The following DGCR2 variants were observed in gnomAD, a reference collection of about 807,000 sequenced individuals.
DGCR2 encodes integral membrane protein DGCR2/IDD.
In DGCR2, 24 loss-of-function variants were observed where a neutral mutation model predicts 51.6. The observed-to-expected ratio is 0.47, with a 90% CI of 0.34 to 0.65. DGCR2 has a LOEUF of 0.65. Ranked by LOEUF, DGCR2 falls within the 30% of genes least tolerant of loss-of-function variation. DGCR2 has a pLI of 0.01. For synonymous variants in DGCR2, 340 were observed against 315.4 expected, an observed-to-expected ratio of 1.08 and a Z score of -0.82; for missense variants, 765 against 772.1, an observed-to-expected ratio of 0.99 and a Z score of 0.11.
chr22:19,088,407 A>G (rs944725995), intron 2 of DGCR2, among the ~76,000 whole-genome samples: 1 of 152,250 alleles, frequency 6.6e-6, no homozygotes, highest in Non-Finnish European at 1.5e-5. Flanking sequence ...AGGCTTGTCT[A>G]TGCAGAAACA....
chr22:19,098,336 G>A (rs922627608), intron 1 of DGCR2, among the ~76,000 whole-genome samples: 1 of 152,234 alleles, frequency 6.6e-6, no homozygotes, highest in South Asian at 2.1e-4. Context: ...AGTAGGGTCA[G>A]CACACTTTTC....
At chr22:19,093,511 A>C (rs1057410388) in intron 1 of DGCR2, among the ~76,000 whole-genome samples, 25 of 152,218 alleles carry the variant, frequency 1.6e-4, no homozygotes, top group African/African-American at 5.1e-4. Flanking sequence ...CACAATCTAT[A>C]AAAAAAATTG....
At chr22:19,081,986 G>T (rs148984753) in intron 2 of DGCR2, among the ~76,000 whole-genome samples, 86 of 151,780 alleles carry the variant, frequency 5.7e-4, no homozygotes, top group African/African-American at 2.0e-3. Context: ...TTTACAGGCT[G>T]TAAGTGTTGC....
chr22:19,045,817 C>T (rs370384594), intron 7 of DGCR2, among the ~76,000 whole-genome samples: 2 of 152,302 alleles, frequency 1.3e-5, no homozygotes, highest in African/African-American at 4.8e-5. Context: ...ACCTTTACCT[C>T]CCAGGTTGAA....
chr22:19,118,639 TTACCAAGGGGCCTAGCTGA>T (rs1429752641), intron 1 of DGCR2, among the ~76,000 whole-genome samples: 1 of 152,114 alleles, frequency 6.6e-6, no homozygotes, highest in Admixed American at 6.5e-5. Flanking sequence ...GTCCTCTACC[TTACCAAGGGGCCTAGCTGA>T]GCACAGGCCC....
chr22:19,096,897 A>AT (rs924130723), intron 1 of DGCR2, among the ~76,000 whole-genome samples: 1 of 151,350 alleles, frequency 6.6e-6, no homozygotes, highest in African/African-American at 2.4e-5. Context: ...AAAAAAACAA[A>AT]AAAAAAAAAC....
intron 1 of DGCR2, among the ~76,000 whole-genome samples, chr22:19,107,394 G>A (rs1313692010): frequency 6.6e-6 from 1 of 152,140 alleles, no homozygotes; most frequent in Non-Finnish European, 1.5e-5. Context: ...AAGAACAAAG[G>A]GACAAGGCCT....
At chr22:19,079,387 T>C (rs1202343065) in intron 2 of DGCR2, among the ~76,000 whole-genome samples, 2 of 152,224 alleles carry the variant, frequency 1.3e-5, no homozygotes, top group South Asian at 2.1e-4. Context: ...GGCTTTTTCT[T>C]GATTAGGCAT....
Position 19,041,108 on chromosome 22 carries a change from G to A in DGCR2, c.1346C>T (p.Pro449Leu), listed in dbSNP as rs754589985. 9 of 1,613,294 alleles carry A rather than the reference G, an allele frequency of 5.6e-6. No individual in the cohort carries two copies. The highest frequency in any genetic ancestry group is 2.7e-5 in the African/African-American group (2 of 74,940). The change falls in exon 9 of 10, where the codon CCG becomes CTG. Residue 449 changes from proline (P) to leucine (L), a missense_variant. Coordinates refer to ENST00000263196, the MANE Select transcript of DGCR2 (RefSeq NM_005137.3). ...CGGGTGGATGGAGGCCTCGTAGGGC[G>A]GCGGAGGGTCGTCGGGCTGGCCGAT... Reference protein sequence around the residue: ...PDIGQPDDPPPPYEASIHPDS... With the variant: ...PDIGQPDDPPLPYEASIHPDS...
At chr22:19,106,853 A>G (rs528616467) in intron 1 of DGCR2, among the ~76,000 whole-genome samples, 22 of 151,984 alleles carry the variant, frequency 1.4e-4, no homozygotes, top group South Asian at 6.3e-4. Context: ...CTGACTCCCT[A>G]GAGGACCAGG....
chr22:19,086,750 AGG>A, intron 2 of DGCR2, among the ~76,000 whole-genome samples: 3 of 152,152 alleles, frequency 2.0e-5, no homozygotes, highest in African/African-American at 7.2e-5. Context: ...TTTTCTGTCT[AGG>A]GAAAACATAT....
intron 2 of DGCR2, 51 bp from the exon 3 acceptor site, chr22:19,068,276 T>C (rs769995544): frequency 2.0e-6 from 3 of 1,523,500 alleles, no homozygotes; most frequent in East Asian, 4.8e-5. Flanking sequence ...GCAGTCGCAG[T>C]CTCCCTGGCC....
intron 1 of DGCR2, among the ~76,000 whole-genome samples, chr22:19,115,785 T>C (rs807741): frequency 6.6e-6 from 1 of 152,126 alleles, no homozygotes; most frequent in African/African-American, 2.4e-5. Flanking sequence ...GATCCCATCA[T>C]AACAGCAAAG....
chr22:19,102,174 G>C (rs1458868709), intron 1 of DGCR2, among the ~76,000 whole-genome samples: 1 of 152,212 alleles, frequency 6.6e-6, no homozygotes, highest in African/African-American at 2.4e-5. Flanking sequence ...AGACACAAAA[G>C]AGGCAAATAG....
intron 1 of DGCR2, among the ~76,000 whole-genome samples, chr22:19,097,606 C>T (rs2083156533): frequency 6.6e-6 from 1 of 152,206 alleles, no homozygotes; most frequent in South Asian, 2.1e-4. Context: ...CTGTTCACTC[C>T]TGTGTTCCCA....
intron 6 of DGCR2, among the ~76,000 whole-genome samples, chr22:19,055,125 C>T (rs2082587823): frequency 6.6e-6 from 1 of 151,904 alleles, no homozygotes; most frequent in Non-Finnish European, 1.5e-5. Flanking sequence ...CAAAAAACAA[C>T]AAAGAGTTTC....
At chr22:19,079,336 A>G (rs566750328) in intron 2 of DGCR2, among the ~76,000 whole-genome samples, 2 of 152,314 alleles carry the variant, frequency 1.3e-5, no homozygotes, top group East Asian at 1.9e-4. Flanking sequence ...TCTGGTCCCA[A>G]ACATTTCAGT....
chr22:19,085,259 A>T (rs1313210906), intron 2 of DGCR2, among the ~76,000 whole-genome samples: 1 of 152,224 alleles, frequency 6.6e-6, no homozygotes, highest in Admixed American at 6.5e-5. Flanking sequence ...CTAACTCCCC[A>T]TCTAATTCCC....
rs575112034 is a variant in DGCR2, at chr22:19,122,367, A to G, written c.-161T>C. The G allele has an allele frequency of 1.1e-3, 565 of 511,956 alleles. 8 individuals carry two copies. Among genetic ancestry groups the G allele is most frequent in the South Asian group, 8.9e-3 (301 of 33,878 alleles). 31.7% of individuals were successfully genotyped at this position (511,956 alleles called of 1,614,324 possible). A position where few individuals can be genotyped will look rare whatever the true frequency, so the allele number is the denominator to read the frequency against. On this transcript the variant is annotated 5_prime_UTR_variant, in exon 1 of 10. Coordinates refer to ENST00000263196, the MANE Select transcript of DGCR2 (RefSeq NM_005137.3). ...TCGGCTGGGCCGCGGGCTGGCGCAC[A>G]CTCTCGGCTGCAACCTCAGGCACCG...
Sources: allele counts gnomAD v4.1 joint callset (sites outside exome capture counted in the v4.1 genomes callset), GRCh38; gene constraint gnomAD v4.1.1; transcripts MANE v1.5; gene names NCBI Gene and HGNC (gene_info 2026-07-23, HGNC 2026-07-21).